ZBTB25: variants seen among roughly 807,000 people sequenced by gnomAD.
ZBTB25 encodes the protein zinc finger and BTB domain containing 25.
Under a neutral mutation model 34.2 loss-of-function variants are expected in ZBTB25, and 20 were observed. The observed-to-expected ratio is 0.58, with a 90% confidence interval of 0.41 to 0.85. The LOEUF (loss-of-function observed/expected upper bound fraction) is 0.85. Among genes scored for constraint, ZBTB25 ranks in the 40% least tolerant of loss-of-function variants. The pLI, the probability that ZBTB25 is intolerant of heterozygous loss-of-function variation, is 0.00. For synonymous variants in ZBTB25, 175 were observed against 186.4 expected, an observed-to-expected ratio of 0.94 and a Z score of 0.50; for missense variants, 437 against 521.8, an observed-to-expected ratio of 0.84 and a Z score of 1.58.
At chr14:64,488,985 G>A (rs1407943867) in intron 2 of ZBTB25, among the ~76,000 whole-genome samples, 1 of 152,128 alleles carries the variant, frequency 6.6e-6, no homozygotes, top group Admixed American at 6.5e-5. Flanking sequence ...GGTGGCTCAC[G>A]CCTGTAATTC....
intron 2 of ZBTB25, chr14:64,470,944 A>G (rs558591499): frequency 3.2e-4 from 53 of 167,146 alleles, no homozygotes; most frequent in African/African-American, 1.2e-3. Context: ...CCTGGTAGTA[A>G]TGGTCCTGGA....
chr14:64,454,711 T>C, intron 2 of ZBTB25: 1 of 1,611,626 alleles, frequency 6.2e-7, no homozygotes, highest in Non-Finnish European at 8.5e-7. Flanking sequence ...CTCTCTTCCC[T>C]TCTTTCCCCA....
rs2079120470 is a variant in ZBTB25, at chr14:64,492,552, A to ATT, written c.-7-2013_-7-2012insAA. Among the ~76,000 whole-genome samples, 3 of 151,812 alleles carry ATT rather than the reference A, an allele frequency of 2.0e-5. No individual in the cohort carries two copies. The South Asian group carries it at 6.3e-4, about 32-fold the overall frequency. ...ATGTGAAAAACGTGTCTTAGAATCA[A>ATT]TGAAATGGTTCATATTGAAGCATCT... On this transcript the variant is annotated intron_variant, in intron 1 of 2. Transcript: ENST00000608382.
At chr14:64,498,341 T>C (rs1596653613) in intron 1 of ZBTB25, among the ~76,000 whole-genome samples, 1 of 151,740 alleles carries the variant, frequency 6.6e-6, no homozygotes, top group Non-Finnish European at 1.5e-5. Flanking sequence ...AGTCTCGCTC[T>C]GTCGCCCAGG....
chr14:64,480,579 A>G lies in ZBTB25; in HGVS notation c.*6344T>C, dbSNP rs1294638464. 5.3e-6 allele frequency: 1 copy of G among 187,592 alleles called. No individual in the cohort carries two copies. The highest frequency in any genetic ancestry group is 1.1e-5 in the Non-Finnish European group (1 of 88,224). The allele number at this position is 187,592 out of a possible 1,614,324, so 11.6% of individuals were successfully genotyped here. On this transcript the variant is annotated 3_prime_UTR_variant, in exon 3 of 3. Coordinates refer to ENST00000608382, the MANE Select transcript of ZBTB25 (RefSeq NM_006977.5). ...AACATTTGGCAAACACTGATGTAAA[A>G]TAAGAACACATTCTATAAGCTAAGC...
intron 2 of ZBTB25, among the ~76,000 whole-genome samples, chr14:64,457,395 G>T (rs1236216280): frequency 6.6e-6 from 1 of 152,050 alleles, no homozygotes; most frequent in Admixed American, 6.6e-5. Context: ...CCACATGGAA[G>T]ATGATAGTGA....
Position 64,486,703 on chromosome 14 carries a change from C to T in ZBTB25, c.*220G>A, listed in dbSNP as rs113798667. ...ATTTCTGATTTCTAAATTGTTATTT[C>T]GTTTGTGAAAAGTTCACAGTAGTAA... is the stretch of plus-strand genomic sequence containing the variant. On this transcript the variant is annotated 3_prime_UTR_variant, in exon 3 of 3. Coordinates refer to ENST00000608382, the MANE Select transcript of ZBTB25 (RefSeq NM_006977.5). The T allele has an allele frequency of 0.024, 28,126 of 1,186,626 alleles. 375 individuals carry two copies. Among genetic ancestry groups the T allele is most frequent in the Middle Eastern group, 0.039 (120 of 3,046 alleles). The allele number at this position is 1,186,626 out of a possible 1,614,324, so 73.5% of individuals were successfully genotyped here. A position where few individuals can be genotyped will look rare whatever the true frequency, so the allele number is the denominator to read the frequency against.
intron 2 of ZBTB25, chr14:64,458,163 G>T: frequency 1.4e-6 from 2 of 1,397,152 alleles, no homozygotes; most frequent in Non-Finnish European, 2.0e-6. Flanking sequence ...TTATAGGCGT[G>T]AGCCACTGTG....
At chr14:64,453,971 G>A in intron 2 of ZBTB25, 1 of 728,272 alleles carries the variant, frequency 1.4e-6, no homozygotes. Flanking sequence ...ACTTCTCTGG[G>A]TGGCAGCCTT....
chr14:64,476,287 A>G (rs2078718395), downstream of ZBTB25, among the ~76,000 whole-genome samples: 1 of 152,256 alleles, frequency 6.6e-6, no homozygotes, highest in Admixed American at 6.5e-5. Context: ...GAACTTTAGA[A>G]TATCACTTCT....
chr14:64,469,361 A>C, intron 2 of ZBTB25: 1 of 1,614,102 alleles, frequency 6.2e-7, no homozygotes, highest in Non-Finnish European at 8.5e-7. Flanking sequence ...AAATGGGATC[A>C]CTGAAGAGAA....
chr14:64,458,481 T>C, intron 2 of ZBTB25: 1 of 651,448 alleles, frequency 1.5e-6, no homozygotes. Flanking sequence ...AACCAATGAA[T>C]TGAAATATTT....
At chr14:64,457,998 C>T (rs1045170027) in intron 2 of ZBTB25, 3 of 603,290 alleles carry the variant, frequency 5.0e-6, no homozygotes, top group African/African-American at 1.9e-5. Context: ...TCAAGCAATC[C>T]TCCTGCCTTA....
chr14:64,487,361 C>T lies in ZBTB25; in HGVS notation c.870G>A (p.Glu290=), dbSNP rs778982064. ...AGCTGAGCCTGCGGCATTCAAGGGCCTCGCTGTTTTCATTAAGGGGATGCA... is the reference window on the plus strand; with the variant it reads ...AGCTGAGCCTGCGGCATTCAAGGGCTTCGCTGTTTTCATTAAGGGGATGCA... ...GEVHPLNENS[E]ALECRRLSSF... Residue 290 remains glutamate (E), a synonymous_variant, in exon 3 of 3, where the codon GAG becomes GAA. Coordinates refer to ENST00000608382, the MANE Select transcript of ZBTB25 (RefSeq NM_006977.5). The T allele has an allele frequency of 1.2e-6, 2 of 1,614,106 alleles. No homozygotes were observed. Among genetic ancestry groups the T allele is most frequent in the South Asian group, 2.2e-5 (2 of 91,078 alleles).
chr14:64,498,918 G>A (rs955737806), intron 1 of ZBTB25, among the ~76,000 whole-genome samples: 3 of 152,160 alleles, frequency 2.0e-5, no homozygotes, highest in Non-Finnish European at 4.4e-5. Flanking sequence ...ACAGGCGTGA[G>A]CCACCGCGCC....
chr14:64,496,456 A>C (rs1427453663), intron 1 of ZBTB25, among the ~76,000 whole-genome samples: 1 of 152,254 alleles, frequency 6.6e-6, no homozygotes, highest in Non-Finnish European at 1.5e-5. Flanking sequence ...ACACCACTGC[A>C]TTCCAGCCTG....
chr14:64,469,708 C>T lies in ZBTB25; in HGVS notation c.174-20070G>A, dbSNP rs553794630. 6 of 1,458,090 alleles carry T rather than the reference C, an allele frequency of 4.1e-6. No homozygotes were observed. In the South Asian group the frequency reaches 8.4e-5, roughly 20 times the overall value. 90.3% of individuals were successfully genotyped at this position (1,458,090 alleles called of 1,614,324 possible). A position where few individuals can be genotyped will look rare whatever the true frequency, so the allele number is the denominator to read the frequency against. ...CTCTCCAGAGTCACGGCAGAAAAAA[C>T]AAGCTTAATGAAGAATTCTTTTATA... On this transcript the variant is annotated intron_variant, in intron 2 of 2. Transcript: ENST00000555220.
intron 2 of ZBTB25, among the ~76,000 whole-genome samples, chr14:64,465,204 G>T (rs2141000489): frequency 6.6e-6 from 1 of 152,210 alleles, no homozygotes; most frequent in South Asian, 2.1e-4. Context: ...GGGGTTCATT[G>T]CCCTGGTCCC....
intron 2 of ZBTB25, chr14:64,468,445 A>G: frequency 1.2e-6 from 2 of 1,613,892 alleles, no homozygotes; most frequent in Non-Finnish European, 8.5e-7. Context: ...ATGAGAAGAG[A>G]TCAGCAGAAG....
Sources: allele counts gnomAD v4.1 joint callset (sites outside exome capture counted in the v4.1 genomes callset), GRCh38; gene constraint gnomAD v4.1.1; transcripts MANE v1.5; gene names NCBI Gene and HGNC (gene_info 2026-07-23, HGNC 2026-07-21).